The following STAB2 variants were observed in gnomAD, a reference collection of about 807,000 sequenced individuals.
The protein encoded by STAB2 is stabilin-2.
A neutral mutation model predicts 338.1 loss-of-function variants in STAB2; 288 were observed. The ratio of observed to expected loss-of-function variants is 0.85; its 90% CI spans 0.77 to 0.94. STAB2 has a LOEUF of 0.94. Ranked by LOEUF, STAB2 falls within the 40% of genes least tolerant of loss-of-function variation. The pLI is 0.00. For synonymous variants in STAB2, 1,202 were observed against 1,193.3 expected (o/e 1.01, Z -0.15); for missense variants, 3,141 against 3,210.1 (o/e 0.98, Z 0.52).
At chr12:103,609,652 C>T (rs1293834798) in intron 3 of STAB2, among the ~76,000 whole-genome samples, 1 of 152,078 alleles carries the variant, frequency 6.6e-6, no homozygotes, top group Non-Finnish European at 1.5e-5. Flanking sequence ...ATTTGACTTC[C>T]TCTTTTCCTA....
chr12:103,650,980 AG>A (rs1873698022), intron 11 of STAB2, among the ~76,000 whole-genome samples: 1 of 152,202 alleles, frequency 6.6e-6, no homozygotes, highest in African/African-American at 2.4e-5. Context: ...TGTATTAGCT[AG>A]ATATGTGGGT....
chr12:103,628,234 C>A (rs577874779), intron 5 of STAB2, among the ~76,000 whole-genome samples: 4 of 152,318 alleles, frequency 2.6e-5, no homozygotes, highest in African/African-American at 9.6e-5. Flanking sequence ...AGCTAGTTAT[C>A]TCCCATTTTT....
rs531818675 is a variant in STAB2, at chr12:103,683,209, A to G, written c.2810A>G (p.Glu937Gly). 1.2e-5 allele frequency: 19 copies of G among 1,612,438 alleles called. No homozygotes were observed. The South Asian group carries it at 2.1e-4, about 18-fold the overall frequency. The change falls in exon 26 of 69, where the codon GAG becomes GGG. Residue 937 changes from glutamate (E) to glycine (G), a missense_variant. By Grantham distance (98) the Glu-to-Gly change is moderately conservative (BLOSUM62 -2). Coordinates refer to ENST00000388887, the MANE Select transcript of STAB2 (RefSeq NM_017564.10). ...SCLYVGPGQNECECKKGFRGN... is the reference protein window; with the variant it reads ...SCLYVGPGQNGCECKKGFRGN... ...ACTCTGTTCTTAAAATTATAGAATG[A>G]GTGTGAGTGCAAGAAAGGATTTCGA...
chr12:103,741,481 T>A (rs759405619), intron 55 of STAB2, among the ~76,000 whole-genome samples: 14 of 152,044 alleles, frequency 9.2e-5, no homozygotes, highest in Non-Finnish European at 1.6e-4. Context: ...TGAGAGAGGG[T>A]CTCACTCTGT....
At chr12:103,672,106 A>G (rs1384588799) in intron 22 of STAB2, among the ~76,000 whole-genome samples, 1 of 152,198 alleles carries the variant, frequency 6.6e-6, no homozygotes, top group Admixed American at 6.5e-5. Flanking sequence ...CAAGTCATCA[A>G]TAAGCAAAGC....
chr12:103,741,461 T>C (rs3851630), intron 55 of STAB2, among the ~76,000 whole-genome samples: 133,356 of 152,172 alleles, frequency 0.88, 58,774 homozygotes, highest in African/African-American at 0.97. Flanking sequence ...CCCTCCCCAC[T>C]GACTTTTTTT....
At chr12:103,717,703 G>A in intron 43 of STAB2, 67 bp from the exon 44 acceptor site, 2 of 1,405,332 alleles carry the variant, frequency 1.4e-6, no homozygotes, top group Admixed American at 3.4e-5. Flanking sequence ...AGGTCTGAGA[G>A]CCAGACCATG....
chr12:103,621,415 G>T (rs1957299940), intron 4 of STAB2, among the ~76,000 whole-genome samples: 1 of 152,154 alleles, frequency 6.6e-6, no homozygotes. Context: ...CTTCTGAAAA[G>T]GATTGAGCTC....
At chr12:103,660,463 C>T (rs1297390289) in intron 16 of STAB2, 79 bp downstream of exon 16, 32 of 1,530,274 alleles carry the variant, frequency 2.1e-5, no homozygotes, top group Admixed American at 1.5e-4. Flanking sequence ...AATATTTTGA[C>T]GCTAGAAAAT....
At chr12:103,610,442 C>G (rs1489889150) in intron 3 of STAB2, among the ~76,000 whole-genome samples, 1 of 152,154 alleles carries the variant, frequency 6.6e-6, no homozygotes, top group Non-Finnish European at 1.5e-5. Context: ...AGGAATTTAT[C>G]CATTTCTTCT....
chr12:103,732,189 G>A (rs1881685282), intron 50 of STAB2, among the ~76,000 whole-genome samples: 1 of 152,126 alleles, frequency 6.6e-6, no homozygotes, highest in Admixed American at 6.6e-5. Flanking sequence ...TTCACCTGTA[G>A]TTCCAGCTAC....
In STAB2 at chr12:103,727,298, G is replaced by T. The variant is rs1386140480; in HGVS notation, c.4883G>T (p.Gly1628Val). ...EHFVKDLVGP[G>V]PFTVFAPLSA... ...TTCGTGAAAGATCTGGTCGGCCCAG[G>T]CCCCTTCACTGTTTTTGCACCTTTA... Residue 1628 changes from glycine to valine, a missense_variant, in exon 47 of 69, where the codon GGC becomes GTC. Transcript: ENST00000388887. 1 of 1,614,122 alleles carries T rather than the reference G, an allele frequency of 6.2e-7. No individual in the cohort carries two copies. Among genetic ancestry groups the T allele is most frequent in the East Asian group, 2.2e-5 (1 of 44,902 alleles).
chr12:103,679,415 T>G (rs1008303787), intron 25 of STAB2, among the ~76,000 whole-genome samples: 2 of 151,608 alleles, frequency 1.3e-5, no homozygotes, highest in African/African-American at 4.8e-5. Context: ...GAGCAAGGGT[T>G]AAAAAGTGGA....
intron 33 of STAB2, 134 bp downstream of exon 33, chr12:103,695,978 C>A: frequency 1.2e-6 from 1 of 820,478 alleles, no homozygotes. Flanking sequence ...TAGACTGGTG[C>A]AGAGACTCTC....
In STAB2 at chr12:103,707,024, C is replaced by T. The variant is rs1220134684; in HGVS notation, c.4192+37C>T. ...CCTCTCCACAGAGGATCTTGGGCTG[C>T]TGAAACCAACCAGGAATATGCAGGG... On this transcript the variant is annotated intron_variant, in intron 38 of 68. Coordinates refer to ENST00000388887, the MANE Select transcript of STAB2 (RefSeq NM_017564.10). 3 of 1,603,934 alleles carry T rather than the reference C, an allele frequency of 1.9e-6. No homozygotes were observed. In the South Asian group the frequency reaches 3.3e-5, roughly 18 times the overall value.
chr12:103,645,409 A>C (rs564043322), intron 9 of STAB2, among the ~76,000 whole-genome samples: 1 of 152,238 alleles, frequency 6.6e-6, no homozygotes, highest in South Asian at 2.1e-4. Flanking sequence ...AATCCTTAGG[A>C]AAGAAAGGCC....
chr12:103,598,015 C>T (rs1956902051), intron 3 of STAB2, among the ~76,000 whole-genome samples: 1 of 152,076 alleles, frequency 6.6e-6, no homozygotes, highest in African/African-American at 2.4e-5. Context: ...TTTCTCACTG[C>T]ATTTTTCTTG....
chr12:103,754,981 G>T, intron 61 of STAB2: 1 of 274,450 alleles, frequency 3.6e-6, no homozygotes. Flanking sequence ...TATCATCAGA[G>T]TTCTACCAAC....
At chr12:103,719,187 C>A (rs937405768) in intron 44 of STAB2, among the ~76,000 whole-genome samples, 1 of 152,182 alleles carries the variant, frequency 6.6e-6, no homozygotes, top group African/African-American at 2.4e-5. Flanking sequence ...ACATCCGGAG[C>A]AGTTTGTGTG....
Sources: gnomAD v4.1 joint callset for allele counts (sites outside exome capture counted in the v4.1 genomes callset) on GRCh38, gnomAD v4.1.1 for gene constraint, MANE v1.5 for transcripts, NCBI Gene and HGNC (gene_info 2026-07-23, HGNC 2026-07-21) for gene names.